Variants in DUS1L observed in about 807,000 individuals in gnomAD.
The protein encoded by DUS1L is tRNA-dihydrouridine(16/17) synthase [NAD(P)(+)]-like.
Under a neutral mutation model 61.2 loss-of-function variants are expected in DUS1L, and 56 were observed. The observed-to-expected ratio is 0.92, with a 90% CI of 0.74 to 1.14. The LOEUF is 1.14. Ranked by LOEUF, DUS1L falls within the 50% of genes most tolerant of loss-of-function variation. The pLI is 0.00. For synonymous variants in DUS1L, 278 were observed against 259.5 expected (o/e 1.07, Z -0.69); for missense variants, 630 against 632.4 (o/e 1.00, Z 0.04).
chr17:82,061,429 A>T lies in DUS1L; in HGVS notation c.698-76T>A, dbSNP rs114225731. On this transcript the variant is annotated intron_variant, in intron 7 of 13. Coordinates refer to ENST00000306796, the MANE Select transcript of DUS1L (RefSeq NM_022156.5). ...CGGCACAGGAAAGCCTGGGACACTC[A>T]GGACACCCTTCTGTGCCACCTCACA... The T allele has an allele frequency of 7.5e-3, 11,460 of 1,525,386 alleles. 730 individuals carry two copies. In the African/African-American group the frequency reaches 0.14, roughly 18 times the overall value. The allele number at this position is 1,525,386 out of a possible 1,614,324, so 94.5% of individuals were successfully genotyped here.
At chr17:82,063,781 C>T (rs773386963) in intron 3 of DUS1L, among the ~76,000 whole-genome samples, 3 of 152,212 alleles carry the variant, frequency 2.0e-5, no homozygotes, top group South Asian at 2.1e-4. Flanking sequence ...CCACCCTGCA[C>T]GGTCTGGAAC....
At position 82,062,096 on chromosome 17, in the gene DUS1L, C is replaced by T. The variant is rs888236836; in HGVS notation, c.511-113G>A. On this transcript the variant is annotated intron_variant, in intron 5 of 13. Coordinates refer to ENST00000306796, the MANE Select transcript of DUS1L (RefSeq NM_022156.5). ...ACTCCACCCCTCCGAGCCCCCTCTGCCCCTCCCAGCCCTGTGCCCCATGCC... is the reference window on the plus strand; with the variant it reads ...ACTCCACCCCTCCGAGCCCCCTCTGTCCCTCCCAGCCCTGTGCCCCATGCC... 3.1e-5 allele frequency: 28 copies of T among 911,376 alleles called. No individual in the cohort carries two copies. In the Admixed American group the frequency reaches 7.8e-4, roughly 25 times the overall value. The allele number at this position is 911,376 out of a possible 1,614,324, so 56.5% of individuals were successfully genotyped here.
intron 8 of DUS1L, 57 bp downstream of exon 8, chr17:82,061,152 G>A (rs765626186): frequency 2.1e-5 from 32 of 1,558,632 alleles, no homozygotes; most frequent in Non-Finnish European, 2.7e-5. Flanking sequence ...GGTGGGGTCT[G>A]ACGGAATCTG....
At position 82,062,845 on chromosome 17, in the gene DUS1L, C is replaced by A; in HGVS notation, c.510+16G>T. ...CCAGCTGAGGCCCATGACACCCCCG[C>A]GAGCCCAGGGCTCACCTGGCAGCCG... On this transcript the variant is annotated intron_variant, in intron 5 of 13. Coordinates refer to ENST00000306796, the MANE Select transcript of DUS1L (RefSeq NM_022156.5). The A allele has an allele frequency of 1.9e-6, 3 of 1,605,284 alleles. No homozygotes were observed. The highest frequency in any genetic ancestry group is 2.6e-6 in the Non-Finnish European group (3 of 1,173,910).
Position 82,058,021 on chromosome 17 carries a change from T to A in DUS1L, c.*94A>T. On this transcript the variant is annotated 3_prime_UTR_variant, in exon 14 of 14. Transcript: ENST00000306796. ...GGGACATGGGCGTGTCTTTCCACATTAAGTAGCAGGAGATTCCCTGAGTAA... is the reference window on the plus strand; with the variant it reads ...GGGACATGGGCGTGTCTTTCCACATAAAGTAGCAGGAGATTCCCTGAGTAA... The A allele has an allele frequency of 1.4e-6, 2 of 1,404,814 alleles. No homozygotes were observed. Among genetic ancestry groups the A allele is most frequent in the South Asian group, 1.6e-5 (1 of 62,424 alleles). 87.0% of individuals were successfully genotyped at this position (1,404,814 alleles called of 1,614,324 possible).
In DUS1L at chr17:82,061,516, C is replaced by T. The variant is rs894796557; in HGVS notation, c.697+102G>A. On this transcript the variant is annotated intron_variant, in intron 7 of 13. Transcript: ENST00000306796. ...GGGATTGATGAACACCATCTGTGAA[C>T]AGCACCATGGGGAGGGCAGTAGGCA... 1.0e-5 allele frequency: 15 copies of T among 1,436,310 alleles called. No homozygotes were observed. In the African/African-American group the frequency reaches 2.0e-4, roughly 19 times the overall value. The allele number at this position is 1,436,310 out of a possible 1,614,324, so 89.0% of individuals were successfully genotyped here.
In DUS1L at chr17:82,061,898, C is replaced by A; in HGVS notation, c.593+3G>T. ...GAGGGCTGTGTCACCCACACCCACT[C>A]ACCGCACAGCCTTGATATGCTCCCA... On this transcript the variant is annotated splice_donor_region_variant and intron_variant, in intron 6 of 13. Coordinates refer to ENST00000306796, the MANE Select transcript of DUS1L (RefSeq NM_022156.5). The A allele has an allele frequency of 6.2e-7, 1 of 1,606,166 alleles. No individual in the cohort carries two copies. Among genetic ancestry groups the A allele is most frequent in the Non-Finnish European group, 8.5e-7 (1 of 1,175,692 alleles).
At chr17:82,062,579 G>A (rs2033560814) in intron 5 of DUS1L, among the ~76,000 whole-genome samples, 2 of 152,266 alleles carry the variant, frequency 1.3e-5, no homozygotes, top group Non-Finnish European at 2.9e-5. Context: ...TATCCCCAAA[G>A]GAGGCCCTGC....
In DUS1L at chr17:82,065,751, C is replaced by CGCGCCGGGGCCG. The variant is rs1461145179; in HGVS notation, c.-161_-150dup. On this transcript the variant is annotated 5_prime_UTR_variant, in exon 1 of 14. Coordinates refer to ENST00000306796, the MANE Select transcript of DUS1L (RefSeq NM_022156.5). ...CCCGGGGCGCCGCGAACGCCCGCAC[C>CGCGCCGGGGCCG]GCGCCGGGGCCGCCGCCGGGCCGCA... 1 of 147,214 alleles carries CGCGCCGGGGCCG rather than the reference C, an allele frequency of 6.8e-6. No individual in the cohort carries two copies. Among genetic ancestry groups the CGCGCCGGGGCCG allele is most frequent in the Non-Finnish European group, 1.5e-5 (1 of 66,146 alleles). The allele number at this position is 147,214 out of a possible 1,614,324, so 9.1% of individuals were successfully genotyped here.
chr17:82,059,776 C>T (rs2033374238), intron 11 of DUS1L, 172 bp downstream of exon 11: 1 of 875,352 alleles, frequency 1.1e-6, no homozygotes, highest in African/African-American at 1.7e-5. Flanking sequence ...CACAGGGTCC[C>T]CGTTCTGACC....
chr17:82,064,833 AG>A lies in DUS1L; in HGVS notation c.226del (p.Leu76SerfsTer29). On this transcript the variant is annotated frameshift_variant, in exon 2 of 14. Coordinates refer to ENST00000306796, the MANE Select transcript of DUS1L (RefSeq NM_022156.5). LOFTEE classifies it high-confidence loss of function. ...GCCCCTCCTGCGCACCTGCACGATG[AG>A]GGGCCGGTCCTCGGGGCACACCTCG... Reference protein sequence around the residue: ...YCEVCPEDRPLIVQFCANDPE... With the variant: ...YCEVCPEDRPXIVQFCANDPE... 1 of 1,609,534 alleles carries A rather than the reference AG, an allele frequency of 6.2e-7. No individual in the cohort carries two copies. Among genetic ancestry groups the A allele is most frequent in the African/African-American group, 1.3e-5 (1 of 74,996 alleles).
chr17:82,063,391 C>A (rs1304150272), intron 4 of DUS1L, 77 bp downstream of exon 4: 2 of 1,602,192 alleles, frequency 1.2e-6, no homozygotes, highest in African/African-American at 2.7e-5. Flanking sequence ...CTCCTGAGCC[C>A]CAACCAAGTG....
At chr17:82,059,860 C>T (rs1205350436) in intron 11 of DUS1L, 88 bp downstream of exon 11, 2 of 1,571,194 alleles carry the variant, frequency 1.3e-6, no homozygotes, top group African/African-American at 2.7e-5. Flanking sequence ...CCTTGCTGAC[C>T]ACAAGTCTGG....
intron 10 of DUS1L, 154 bp from the exon 11 acceptor site, chr17:82,060,247 A>T: frequency 3.0e-6 from 3 of 1,016,500 alleles, no homozygotes; most frequent in Non-Finnish European, 4.2e-6. Flanking sequence ...CAGCCCATTC[A>T]GGACTCGTCA....
chr17:82,058,095 G>A lies in DUS1L; in HGVS notation c.*20C>T. 1 of 1,520,652 alleles carries A rather than the reference G, an allele frequency of 6.6e-7. No individual in the cohort carries two copies. Among genetic ancestry groups the A allele is most frequent in the Non-Finnish European group, 8.8e-7 (1 of 1,130,632 alleles). The allele number at this position is 1,520,652 out of a possible 1,614,324, so 94.2% of individuals were successfully genotyped here. On this transcript the variant is annotated 3_prime_UTR_variant, in exon 14 of 14. Coordinates refer to ENST00000306796, the MANE Select transcript of DUS1L (RefSeq NM_022156.5). ...TGTCCAGGCTCCAGCAGCAGTCCTG[G>A]GGGTGGGGGTTGTGGGCCTTCAGGC...
At chr17:82,063,328 T>G in intron 4 of DUS1L, 140 bp downstream of exon 4, 1 of 1,161,442 alleles carries the variant, frequency 8.6e-7, no homozygotes, top group Non-Finnish European at 1.3e-6. Flanking sequence ...GAGAGGCTGC[T>G]GTGGGCAGGA....
At chr17:82,061,014 C>T in intron 8 of DUS1L, 53 bp from the exon 9 acceptor site, 1 of 1,584,714 alleles carries the variant, frequency 6.3e-7, no homozygotes, top group Non-Finnish European at 8.6e-7. Context: ...ACCGTCAGGC[C>T]CCAGGCTGAG....
At position 82,058,049 on chromosome 17, in the gene DUS1L, G is replaced by A. The variant is rs1481982317; in HGVS notation, c.*66C>T. The A allele has an allele frequency of 1.4e-6, 2 of 1,451,498 alleles. No individual in the cohort carries two copies. Among genetic ancestry groups the A allele is most frequent in the Admixed American group, 4.9e-5 (2 of 40,420 alleles). 89.9% of individuals were successfully genotyped at this position (1,451,498 alleles called of 1,614,324 possible). On this transcript the variant is annotated 3_prime_UTR_variant, in exon 14 of 14. Transcript: ENST00000306796. ...GTAGCAGGAGATTCCCTGAGTAAAA[G>A]GCATTTTCTTAAGTAGGACGTGTCC...
rs74441987 is a variant in DUS1L, at chr17:82,061,918, C to T, written c.576G>A (p.Glu192=). ...CCACTCACCGCACAGCCTTGATATG[C>T]TCCCAGGACGCTGCACCCGACAGGG... ...KGPLSGAASW[E]HIKAVRKAVA... Residue 192 remains glutamate (E), a synonymous_variant, in exon 6 of 14, where the codon GAG becomes GAA. Transcript: ENST00000306796. 4,787 of 1,610,434 alleles carry T rather than the reference C, an allele frequency of 3.0e-3. 135 individuals are homozygous for T. In the African/African-American group the frequency reaches 0.058, roughly 19 times the overall value.
Sources: gnomAD v4.1 joint callset for allele counts (sites outside exome capture counted in the v4.1 genomes callset) on GRCh38, gnomAD v4.1.1 for gene constraint, MANE v1.5 for transcripts, NCBI Gene and HGNC (gene_info 2026-07-23, HGNC 2026-07-21) for gene names.